The following CYSTM1 variants were observed in gnomAD, a reference collection of about 807,000 sequenced individuals.
CYSTM1 encodes cysteine-rich transmembrane module-containing protein 1.
In CYSTM1, 4 loss-of-function variants were observed where a neutral mutation model predicts 13.1. That is an observed-to-expected ratio of 0.31 (90% confidence interval 0.15 to 0.70). The LOEUF (loss-of-function observed/expected upper bound fraction) is 0.70, where lower values mean the gene tolerates loss of function less well. Among genes scored for constraint, CYSTM1 ranks in the 30% least tolerant of loss-of-function variants. The probability of loss-of-function intolerance (pLI) is 0.72; values close to 1 mark genes in which losing one functional copy is unlikely to be tolerated. For synonymous variants in CYSTM1, 36 were observed against 42.7 expected (o/e 0.84, Z 0.62); for missense variants, 96 against 121.6 (o/e 0.79, Z 0.99).
At chr5:140,209,933 G>A (rs570237797) in intron 2 of CYSTM1, among the ~76,000 whole-genome samples, 1 of 152,198 alleles carries the variant, frequency 6.6e-6, no homozygotes, top group Non-Finnish European at 1.5e-5. Context: ...TATGTAGCAG[G>A]GGGTTGGAGC....
At chr5:140,215,084 G>A (rs182722356) in intron 2 of CYSTM1, among the ~76,000 whole-genome samples, 2 of 152,306 alleles carry the variant, frequency 1.3e-5, no homozygotes, top group African/African-American at 4.8e-5. Flanking sequence ...TAGCCACAGG[G>A]GAAACTTGAG....
intron 1 of CYSTM1, among the ~76,000 whole-genome samples, chr5:140,184,091 G>GCATAA: frequency 3.6e-5 from 2 of 56,184 alleles, no homozygotes; most frequent in African/African-American, 2.1e-4. Context: ...AAAAAAGTAT[G>GCATAA]TATAATGTAC....
At chr5:140,199,462 G>T (rs1039684912) in intron 2 of CYSTM1, among the ~76,000 whole-genome samples, 3 of 152,094 alleles carry the variant, frequency 2.0e-5, no homozygotes, top group Non-Finnish European at 4.4e-5. Flanking sequence ...ATCCTCTCCA[G>T]CATCTATTGT....
chr5:140,223,194 G>T (rs1000273171), intron 2 of CYSTM1, among the ~76,000 whole-genome samples: 1 of 152,170 alleles, frequency 6.6e-6, no homozygotes, highest in African/African-American at 2.4e-5. Flanking sequence ...CCCAGGTTCT[G>T]GGTAGGATCC....
At chr5:140,206,636 T>TTGTTTG (rs1445446245) in intron 2 of CYSTM1, among the ~76,000 whole-genome samples, 1 of 151,842 alleles carries the variant, frequency 6.6e-6, no homozygotes, top group Non-Finnish European at 1.5e-5. Context: ...GTTTGTTTGT[T>TTGTTTG]TGTTTCTTTT....
chr5:140,184,659 A>G (rs900287850), intron 1 of CYSTM1, among the ~76,000 whole-genome samples: 12 of 152,156 alleles, frequency 7.9e-5, no homozygotes, highest in African/African-American at 2.9e-4. Context: ...TCAGGTAGTA[A>G]TGTCTTTTTT....
intron 1 of CYSTM1, among the ~76,000 whole-genome samples, chr5:140,178,563 C>T (rs780187234): frequency 1.3e-5 from 2 of 149,430 alleles, no homozygotes; most frequent in African/African-American, 2.5e-5. Context: ...GGACTACAGG[C>T]GACCATGCCT....
At chr5:140,240,483 T>C (rs1244382779) in intron 2 of CYSTM1, among the ~76,000 whole-genome samples, 2 of 151,814 alleles carry the variant, frequency 1.3e-5, no homozygotes, top group African/African-American at 4.8e-5. Context: ...GGCCCCGGGC[T>C]TCAAGTACTG....
intron 2 of CYSTM1, among the ~76,000 whole-genome samples, chr5:140,233,799 T>C (rs1581073516): frequency 6.6e-6 from 1 of 152,268 alleles, no homozygotes; most frequent in South Asian, 2.1e-4. Context: ...TCAAGTCTTT[T>C]ATCCACTTTC....
chr5:140,185,360 G>A (rs1263349185), intron 1 of CYSTM1, among the ~76,000 whole-genome samples: 4 of 152,224 alleles, frequency 2.6e-5, no homozygotes, highest in East Asian at 3.9e-4. Context: ...CAAAAGATAC[G>A]TTCTAATACT....
At chr5:140,235,905 G>C (rs895526891) in intron 2 of CYSTM1, among the ~76,000 whole-genome samples, 1 of 152,124 alleles carries the variant, frequency 6.6e-6, no homozygotes, top group African/African-American at 2.4e-5. Flanking sequence ...CCTGTCCCGA[G>C]TACTCTTCCC....
chr5:140,187,302 T>TAA (rs75475608), intron 1 of CYSTM1, among the ~76,000 whole-genome samples: 6 of 140,986 alleles, frequency 4.3e-5, no homozygotes, highest in African/African-American at 1.6e-4. Flanking sequence ...AATGGGGAGT[T>TAA]AAAAAAAAAA....
chr5:140,203,143 C>T (rs1764252278), intron 2 of CYSTM1: 1 of 152,110 alleles, frequency 6.6e-6, no homozygotes, highest in South Asian at 2.1e-4. Flanking sequence ...TGGAATCTGC[C>T]AGGCCTTCCT....
At chr5:140,186,112 A>G (rs1764012846) in intron 1 of CYSTM1, among the ~76,000 whole-genome samples, 1 of 149,714 alleles carries the variant, frequency 6.7e-6, no homozygotes, top group South Asian at 2.1e-4. Flanking sequence ...GCAATACTGA[A>G]GGGGAGGAGC....
At position 140,175,586 on chromosome 5, in the gene CYSTM1, G is replaced by T. The variant is rs1022732584; in HGVS notation, c.-21+301G>T. 6.6e-6 allele frequency among the ~76,000 whole-genome samples: 1 copy of T among 152,246 alleles called. No homozygotes were observed. The highest frequency in any genetic ancestry group is 6.5e-5 in the Admixed American group (1 of 15,290). The stretch of plus-strand genomic sequence containing the variant: ...GTCGCTGCGGTTCTCGTCTCACGAG[G>T]AGTCGGCGGGCTCGGAGCGGGGCTC... On this transcript the variant is annotated intron_variant, in intron 1 of 2. Transcript: ENST00000261811. This position sits in a 1 kb window ranked among gnomAD's most constrained non-coding sequence, Gnocchi z 4.9.
chr5:140,243,457 C>CT lies in CYSTM1; in HGVS notation c.*47dup. On this transcript the variant is annotated 3_prime_UTR_variant, in exon 3 of 3. Coordinates refer to ENST00000261811, the MANE Select transcript of CYSTM1 (RefSeq NM_032412.4). Reference sequence around the variant, plus strand: ...TGTCCTGCCAGCTCTGCTGCCACCTCTGACAGGTGTGCCTGCCCCCATCTC... The same window carrying CT: ...TGTCCTGCCAGCTCTGCTGCCACCTCTTGACAGGTGTGCCTGCCCCCATCTC... 6.5e-7 allele frequency: 1 copy of CT among 1,547,890 alleles called. No individual in the cohort carries two copies. The highest frequency in any genetic ancestry group is 8.9e-7 in the Non-Finnish European group (1 of 1,125,206).
chr5:140,233,394 C>T (rs533401575), intron 2 of CYSTM1, among the ~76,000 whole-genome samples: 46 of 152,306 alleles, frequency 3.0e-4, no homozygotes, highest in Non-Finnish European at 5.1e-4. Flanking sequence ...ATTCATTCAC[C>T]TGTTGAAGGA....
At chr5:140,205,903 A>G (rs560891451) in intron 2 of CYSTM1, among the ~76,000 whole-genome samples, 1 of 152,136 alleles carries the variant, frequency 6.6e-6, no homozygotes, top group Non-Finnish European at 1.5e-5. Flanking sequence ...ATGGCCATAT[A>G]ATTGATCCCC....
chr5:140,223,925 A>G lies in CYSTM1; in HGVS notation c.188-19380A>G, dbSNP rs562140738. ...CAAGTTATTCCAGGGTGAGCCAGCT[A>G]TATACAGATCGACCCCCAAAGGCTG... On this transcript the variant is annotated intron_variant, in intron 2 of 2. Coordinates refer to ENST00000261811, the MANE Select transcript of CYSTM1 (RefSeq NM_032412.4). Among the ~76,000 whole-genome samples the G allele has an allele frequency of 2.5e-4, 38 of 152,326 alleles. No homozygotes were observed. In the East Asian group the frequency reaches 6.6e-3, roughly 26 times the overall value.
Sources: gnomAD v4.1 joint callset for allele counts (sites outside exome capture counted in the v4.1 genomes callset) on GRCh38, gnomAD v4.1.1 for gene constraint, Gnocchi (gnomAD v3.1) non-coding constraint, MANE v1.5 for transcripts, NCBI Gene and HGNC (gene_info 2026-07-23, HGNC 2026-07-21) for gene names.